Variants in DGKB observed in about 807,000 individuals in gnomAD.
DGKB encodes the protein diacylglycerol kinase beta.
A neutral mutation model predicts 114.3 loss-of-function variants in DGKB; 67 were observed. The ratio of observed to expected loss-of-function variants is 0.59; its 90% CI spans 0.48 to 0.72. The LOEUF (loss-of-function observed/expected upper bound fraction) is 0.72. DGKB is among the 30% of genes least tolerant of loss of function. The pLI is 0.00. For missense variants in DGKB, 907 were observed against 975.2 expected (o/e 0.93, Z 0.93); for synonymous variants, 398 against 323.1 (o/e 1.23, Z -2.49).
chr7:14,771,331 G>A (rs557081848), intron 2 of DGKB, among the ~76,000 whole-genome samples: 22 of 152,008 alleles, frequency 1.4e-4, no homozygotes, highest in Non-Finnish European at 2.4e-4. Context: ...CCCTGTACCC[G>A]GTAACAGAAA....
intron 6 of DGKB, among the ~76,000 whole-genome samples, chr7:14,710,592 C>A (rs1005270805): frequency 6.6e-6 from 1 of 152,060 alleles, no homozygotes; most frequent in African/African-American, 2.4e-5. Context: ...AGAGAAACTT[C>A]AATATTTCAC....
At chr7:14,588,302 GT>G (rs930615915) in intron 17 of DGKB, among the ~76,000 whole-genome samples, 2 of 151,476 alleles carry the variant, frequency 1.3e-5, no homozygotes, top group Non-Finnish European at 2.9e-5. Flanking sequence ...CAAATTTAAA[GT>G]TTTTTCTTTT....
chr7:14,693,412 C>T (rs1394241853), intron 9 of DGKB, among the ~76,000 whole-genome samples: 6 of 151,916 alleles, frequency 3.9e-5, no homozygotes, highest in Non-Finnish European at 7.4e-5. Flanking sequence ...ATTACATTCT[C>T]ATCTTAGGTT....
chr7:14,472,909 T>G (rs1781624353), intron 21 of DGKB, among the ~76,000 whole-genome samples: 1 of 152,128 alleles, frequency 6.6e-6, no homozygotes, highest in Non-Finnish European at 1.5e-5. Flanking sequence ...AGCAAACCAT[T>G]CAAGAGGTGA....
rs546279861 is a variant in DGKB, at chr7:14,397,087, G to A, written c.1836-51696C>T. On this transcript the variant is annotated intron_variant, in intron 21 of 25. Coordinates refer to ENST00000402815, the MANE Select transcript of DGKB (RefSeq NM_001350709.2). ...ATTTACATACAGAAGAAATTGCGGG[G>A]CATGAAAATCTGCTAAGGGTTACAT... Among the ~76,000 whole-genome samples the A allele has an allele frequency of 1.2e-3, 178 of 152,164 alleles. 3 individuals are homozygous for A. The highest frequency in any genetic ancestry group is 2.4e-3 in the Non-Finnish European group (162 of 67,976).
chr7:14,262,566 T>C (rs2128415528), intron 23 of DGKB, among the ~76,000 whole-genome samples: 1 of 152,262 alleles, frequency 6.6e-6, no homozygotes, highest in African/African-American at 2.4e-5. Context: ...CCACCCAGTA[T>C]GTGATATTTT....
chr7:14,550,943 T>C (rs1404323238), intron 20 of DGKB, among the ~76,000 whole-genome samples: 1 of 152,206 alleles, frequency 6.6e-6, no homozygotes, highest in Non-Finnish European at 1.5e-5. Context: ...AAAAAATTCT[T>C]CCTTTTTAAT....
intron 19 of DGKB, among the ~76,000 whole-genome samples, chr7:14,575,792 T>C (rs1799037159): frequency 6.6e-6 from 1 of 152,200 alleles, no homozygotes; most frequent in African/African-American, 2.4e-5. Flanking sequence ...TATTTAATTG[T>C]TGAACAAGGA....
intron 22 of DGKB, among the ~76,000 whole-genome samples, chr7:14,342,320 T>A (rs1259247201): frequency 6.6e-6 from 1 of 151,866 alleles, no homozygotes; most frequent in Non-Finnish European, 1.5e-5. Flanking sequence ...TATTCTCTCA[T>A]TAACTTTGCC....
chr7:14,505,094 C>G (rs993642346), intron 20 of DGKB, among the ~76,000 whole-genome samples: 15 of 152,158 alleles, frequency 9.9e-5, no homozygotes, highest in African/African-American at 3.6e-4. Context: ...ATATAATGTT[C>G]CATTCCTTGT....
intron 1 of DGKB, among the ~76,000 whole-genome samples, chr7:14,947,429 C>G (rs1400928411): frequency 6.6e-6 from 1 of 151,512 alleles, no homozygotes; most frequent in Non-Finnish European, 1.5e-5. Context: ...AAGATTTATT[C>G]TTCAATCCTT....
chr7:14,259,585 T>A (rs1030723216), intron 23 of DGKB, among the ~76,000 whole-genome samples: 2 of 151,938 alleles, frequency 1.3e-5, no homozygotes, highest in African/African-American at 4.8e-5. Context: ...AGCCACCACA[T>A]CCGGCTAATT....
At chr7:14,944,897 C>A (rs1216735101) in intron 1 of DGKB, among the ~76,000 whole-genome samples, 1 of 151,510 alleles carries the variant, frequency 6.6e-6, no homozygotes, top group Non-Finnish European at 1.5e-5. Context: ...AAGCATAAAT[C>A]TTAGAATCAG....
chr7:14,389,692 G>T (rs1821019324), intron 21 of DGKB, among the ~76,000 whole-genome samples: 1 of 152,174 alleles, frequency 6.6e-6, no homozygotes, highest in Admixed American at 6.5e-5. Context: ...GGTCGATTCT[G>T]GCAGAAAAGT....
intron 21 of DGKB, among the ~76,000 whole-genome samples, chr7:14,367,530 C>T (rs1255560843): frequency 4.6e-5 from 7 of 150,906 alleles, no homozygotes; most frequent in Admixed American, 1.3e-4. Context: ...GTCCATTAAA[C>T]CTCTTTCCTT....
chr7:14,744,725 C>A (rs1221386983), intron 4 of DGKB, among the ~76,000 whole-genome samples: 1 of 152,218 alleles, frequency 6.6e-6, no homozygotes, highest in Admixed American at 6.5e-5. Flanking sequence ...GCAAACAACT[C>A]AGTCCTATCA....
At chr7:14,457,981 CG>C (rs1832529128) in intron 21 of DGKB, among the ~76,000 whole-genome samples, 1 of 152,172 alleles carries the variant, frequency 6.6e-6, no homozygotes, top group Admixed American at 6.6e-5. Flanking sequence ...CTCTGGATTG[CG>C]GGAAGTGCGG....
rs573295406 is a variant in DGKB, at chr7:14,234,789, A to C, written c.2123-56638T>G. ...ATTCTCCATCTTATATCATTGCAGTATTCACTTTAAAGCAATGTAGTCCTT... is the reference window on the plus strand; with the variant it reads ...ATTCTCCATCTTATATCATTGCAGTCTTCACTTTAAAGCAATGTAGTCCTT... On this transcript the variant is annotated intron_variant, in intron 23 of 25. Transcript: ENST00000402815. 9.2e-5 allele frequency among the ~76,000 whole-genome samples: 14 copies of C among 152,180 alleles called. No homozygotes were observed. The East Asian group carries it at 1.2e-3, about 13-fold the overall frequency.
chr7:14,386,886 C>G (rs1820428953), intron 21 of DGKB, among the ~76,000 whole-genome samples: 1 of 151,912 alleles, frequency 6.6e-6, no homozygotes, highest in Admixed American at 6.6e-5. Flanking sequence ...TTAAAATTAT[C>G]TAGTAGAAGC....
Sources: allele counts gnomAD v4.1 joint callset (sites outside exome capture counted in the v4.1 genomes callset), GRCh38; gene constraint gnomAD v4.1.1; transcripts MANE v1.5; gene names NCBI Gene and HGNC (gene_info 2026-07-23, HGNC 2026-07-21).